Variants in KPRP observed in about 807,000 individuals in gnomAD.
KPRP encodes the protein keratinocyte proline-rich protein.
For synonymous variants in KPRP, 282 were observed against 276.9 expected, an observed-to-expected ratio of 1.02 and a Z score of -0.18; for missense variants, 820 against 746.4, an observed-to-expected ratio of 1.10 and a Z score of -1.15.
At chr1:152,761,236 G>T in exon 1 of KPRP, 1 of 1,614,200 alleles carries the variant, frequency 6.2e-7, no homozygotes, top group Non-Finnish European at 8.5e-7. Context: ...GCCTGGTGAT[G>T]TGTTTCCAGA....
upstream of KPRP, among the ~76,000 whole-genome samples, chr1:152,758,132 G>C (rs1005993945): frequency 2.0e-5 from 3 of 152,202 alleles, no homozygotes; most frequent in Admixed American, 6.5e-5. Context: ...TCACAGTCGT[G>C]AGGCACAAAG....
chr1:152,761,563 A>T (rs1331519426), exon 1 of KPRP: 1 of 622,434 alleles, frequency 1.6e-6, no homozygotes. Flanking sequence ...CTCTAGCCAG[A>T]CCAGTCTGGC....
At chr1:152,759,524 A>G, upstream of KPRP, 1 of 1,551,636 alleles carries the variant, frequency 6.4e-7, no homozygotes. Context: ...CCCCTCTCCA[A>G]CTCTCACCCT....
At position 152,760,910 on chromosome 1, in the gene KPRP, G is replaced by A. The variant is rs565892518; in HGVS notation, c.1322G>A (p.Arg441His). 1,173 of 1,613,852 alleles carry A rather than the reference G, an allele frequency of 7.3e-4. 18 individuals are homozygous for A. In the South Asian group the frequency reaches 0.012, roughly 17 times the overall value. Reference sequence around the variant, plus strand: ...TATCCAGAACCACTTCCAGCACTACGTCCAACACCGCGGCCAGTTCCCCTT... The same window carrying A: ...TATCCAGAACCACTTCCAGCACTACATCCAACACCGCGGCCAGTTCCCCTT... The change falls in exon 1 of 1, where the codon CGT becomes CAT. Residue 441 changes from arginine to histidine, a missense_variant. Arg to His is a conservative substitution (Grantham distance 29). Coordinates refer to ENST00000606109, the Ensembl canonical transcript of KPRP.
rs144024893 is a variant in KPRP at position 152,760,793 on chromosome 1, C to T, written c.1205C>T (p.Pro402Leu). ...TCACCACTGCAGCGATGTCCACCTC[C>T]TGCTCCACGTCCACGTCTGCGCCCA... The change falls in exon 1 of 1, where the codon CCT (proline) becomes CTT (leucine). Residue 402 changes from proline to leucine, a missense_variant. Physicochemically the swap from Pro to Leu is moderately conservative, Grantham distance 98. Transcript: ENST00000606109. 1,010 of 1,614,130 alleles carry T rather than the reference C, an allele frequency of 6.3e-4. No homozygotes were observed. The highest frequency in any genetic ancestry group is 1.8e-3 in the Admixed American group (106 of 59,990).
rs750621584 is a variant in KPRP at position 152,759,783 on chromosome 1, C to A, written c.195C>A (p.Cys65Ter). Residue 65 changes from cysteine to a stop codon, truncating the protein, a stop_gained, in exon 1 of 1, where the codon TGC becomes TGA. Coordinates refer to ENST00000606109, the Ensembl canonical transcript of KPRP. LOFTEE classifies it low-confidence loss of function (END_TRUNC). ...GCCAGGTGTCAGACCAGGCTCCATGCCAGTCTCAGACCACACAGGTGAAGT... is the reference window on the plus strand; with the variant it reads ...GCCAGGTGTCAGACCAGGCTCCATGACAGTCTCAGACCACACAGGTGAAGT... 18 of 1,614,168 alleles carry A rather than the reference C, an allele frequency of 1.1e-5. No individual in the cohort carries two copies. The Admixed American group carries it at 3.0e-4, about 27-fold the overall frequency.
chr1:152,761,452 G>A, exon 1 of KPRP: 3 of 1,453,092 alleles, frequency 2.1e-6, no homozygotes, highest in South Asian at 3.0e-5. Context: ...TATTACGAAG[G>A]TGATGTCCAA....
upstream of KPRP, among the ~76,000 whole-genome samples, chr1:152,759,148 C>T (rs971396827): frequency 6.6e-6 from 1 of 152,188 alleles, no homozygotes; most frequent in African/African-American, 2.4e-5. Context: ...TGTGTACTGC[C>T]AGTGCACATG....
At chr1:152,761,029 C>T in exon 1 of KPRP, 1 of 1,613,300 alleles carries the variant, frequency 6.2e-7, no homozygotes, top group South Asian at 1.1e-5. Context: ...GCCAATTCCC[C>T]TGCCGGCGCC....
rs775712475 is a variant in KPRP, at chr1:152,760,904, C to A, written c.1316C>A (p.Ala439Glu). The stretch of plus-strand genomic sequence containing the variant: ...TGTTTGTATCCAGAACCACTTCCAG[C>A]ACTACGTCCAACACCGCGGCCAGTT... The change falls in exon 1 of 1, where the codon GCA becomes GAA. Residue 439 changes from alanine (A) to glutamate (E), a missense_variant. Ala to Glu is a moderately radical substitution (Grantham distance 107). Coordinates refer to ENST00000606109, the Ensembl canonical transcript of KPRP. The A allele has an allele frequency of 2.5e-6, 4 of 1,614,066 alleles. No homozygotes were observed. In the South Asian group the frequency reaches 4.4e-5, roughly 18 times the overall value.
exon 1 of KPRP, chr1:152,760,763 C>T (rs1326957302): frequency 3.1e-6 from 5 of 1,614,096 alleles, no homozygotes; most frequent in Admixed American, 1.7e-5. Context: ...GACCAGTGTC[C>T]AGAGTCACCA....
exon 1 of KPRP, chr1:152,761,522 C>G (rs867976205): frequency 2.0e-5 from 21 of 1,047,062 alleles, no homozygotes; most frequent in Non-Finnish European, 2.8e-5. Context: ...TCCAGCCTCA[C>G]GTGTCACTCC....
At chr1:152,761,019 G>T in exon 1 of KPRP, 1 of 1,612,822 alleles carries the variant, frequency 6.2e-7, no homozygotes, top group Non-Finnish European at 8.5e-7. Context: ...CACGACCAGA[G>T]CCAATTCCCC....
At chr1:152,760,553 G>C in exon 1 of KPRP, 1 of 1,610,190 alleles carries the variant, frequency 6.2e-7, no homozygotes, top group Non-Finnish European at 8.5e-7. Context: ...CAGAGACGTG[G>C]CCCCAAGTGC....
upstream of KPRP, among the ~76,000 whole-genome samples, chr1:152,759,082 C>T (rs1476142408): frequency 2.0e-5 from 3 of 152,210 alleles, no homozygotes; most frequent in Non-Finnish European, 2.9e-5. Flanking sequence ...TTTGTGAATG[C>T]AGATGGTGCT....
exon 1 of KPRP, chr1:152,761,103 T>C: frequency 7.4e-6 from 12 of 1,613,878 alleles, no homozygotes; most frequent in Non-Finnish European, 1.0e-5. Context: ...GGGGCCCAAA[T>C]CCAGTTCCAT....
upstream of KPRP, chr1:152,759,484 T>C: frequency 6.8e-7 from 1 of 1,479,930 alleles, no homozygotes; most frequent in Non-Finnish European, 9.0e-7. Flanking sequence ...CTAGGGAAGA[T>C]GCAGGGTGTC....
At chr1:152,760,284 C>G in exon 1 of KPRP, 1 of 1,614,166 alleles carries the variant, frequency 6.2e-7, no homozygotes, top group Non-Finnish European at 8.5e-7. Flanking sequence ...CCTGTGTGCC[C>G]CAGTGCCAGA....
exon 1 of KPRP, chr1:152,760,327 C>T: frequency 6.2e-7 from 1 of 1,614,174 alleles, no homozygotes; most frequent in South Asian, 1.1e-5. Context: ...CACTGAACAG[C>T]ACCGCTCTCG....
Sources: allele counts gnomAD v4.1 joint callset (sites outside exome capture counted in the v4.1 genomes callset), GRCh38; gene constraint gnomAD v4.1.1; transcripts MANE v1.5; gene names NCBI Gene and HGNC (gene_info 2026-07-23, HGNC 2026-07-21).